The following KIF18A variants were observed in gnomAD, a reference collection of about 807,000 sequenced individuals.
KIF18A encodes the protein kinesin family member 18A.
Under a neutral mutation model 103.3 loss-of-function variants are expected in KIF18A, and 67 were observed. That is an observed-to-expected ratio of 0.65 (90% CI 0.53 to 0.79). The LOEUF is 0.79. Among genes scored for constraint, KIF18A ranks in the 30% least tolerant of loss-of-function variants. The pLI, the probability that KIF18A is intolerant of heterozygous loss-of-function variation, is 0.00. For synonymous variants in KIF18A, 367 were observed against 355.5 expected (o/e 1.03, Z -0.36); for missense variants, 1,032 against 1,062.5 (o/e 0.97, Z 0.40).
intron 13 of KIF18A, chr11:28,057,030 T>A (rs1850789803): frequency 4.9e-6 from 1 of 203,662 alleles, no homozygotes; most frequent in South Asian, 6.2e-5. Context: ...TTGCTCAACA[T>A]ATATATAAAA....
chr11:28,057,776 T>C (rs902517101), intron 13 of KIF18A, among the ~76,000 whole-genome samples: 2 of 152,060 alleles, frequency 1.3e-5, no homozygotes, highest in Admixed American at 6.5e-5. Context: ...TGTTCACTAA[T>C]AGAAAAAAGG....
intron 1 of KIF18A, among the ~76,000 whole-genome samples, chr11:28,100,491 A>G (rs1406799334): frequency 1.4e-5 from 2 of 145,822 alleles, no homozygotes; most frequent in Non-Finnish European, 3.0e-5. Context: ...AAAACCCGAA[A>G]GGAGAAGATC....
At chr11:28,097,357 A>G (rs2133565690) in intron 2 of KIF18A, 1 of 364,174 alleles carries the variant, frequency 2.7e-6, no homozygotes, top group Non-Finnish European at 5.0e-6. Flanking sequence ...ATGTGGTTTA[A>G]TAACATAGGC....
intron 13 of KIF18A, among the ~76,000 whole-genome samples, chr11:28,042,308 A>C (rs1590670615): frequency 1.3e-5 from 2 of 152,022 alleles, no homozygotes; most frequent in East Asian, 3.9e-4. Context: ...TGGTAGAATG[A>C]TGTTAAAAAC....
At chr11:28,103,627 TAGAG>T (rs967940452) in intron 1 of KIF18A, among the ~76,000 whole-genome samples, 38 of 152,228 alleles carry the variant, frequency 2.5e-4, no homozygotes, top group Admixed American at 6.5e-4. Context: ...TATTCTCTCA[TAGAG>T]AGTCTAGTAT....
At chr11:28,021,458 T>C (rs1347597259) in intron 16 of KIF18A, among the ~76,000 whole-genome samples, 176 bp from the exon 17 acceptor site, 3 of 152,226 alleles carry the variant, frequency 2.0e-5, no homozygotes, top group Non-Finnish European at 2.9e-5. Flanking sequence ...ATACCTTTGG[T>C]TTAAAAGCTG....
intron 13 of KIF18A, among the ~76,000 whole-genome samples, chr11:28,048,192 T>C (rs1411937772): frequency 6.6e-6 from 1 of 152,014 alleles, no homozygotes; most frequent in East Asian, 1.9e-4. Flanking sequence ...GTTCTGGGGG[T>C]GGGGAATCTG....
At chr11:28,062,143 A>G (rs905427261) in intron 12 of KIF18A, among the ~76,000 whole-genome samples, 2 of 152,128 alleles carry the variant, frequency 1.3e-5, no homozygotes, top group Non-Finnish European at 2.9e-5. Flanking sequence ...GTACTTATGA[A>G]ATTTTGTATT....
At chr11:28,087,375 A>G (rs558572189) in intron 6 of KIF18A, among the ~76,000 whole-genome samples, 1 of 152,284 alleles carries the variant, frequency 6.6e-6, no homozygotes, top group African/African-American at 2.4e-5. Flanking sequence ...GCTGAAAATG[A>G]TGGTTTCTAG....
chr11:28,087,967 C>A (rs1468857607), intron 6 of KIF18A, among the ~76,000 whole-genome samples: 2 of 151,890 alleles, frequency 1.3e-5, no homozygotes, highest in Non-Finnish European at 2.9e-5. Context: ...ACACTGTGTT[C>A]TAGGTAAGCA....
chr11:28,032,559 A>G (rs998698192), intron 15 of KIF18A, among the ~76,000 whole-genome samples: 6 of 151,888 alleles, frequency 4.0e-5, no homozygotes, highest in African/African-American at 1.4e-4. Context: ...CCCAAAATAA[A>G]TCTACATATT....
Position 28,068,858 on chromosome 11 carries a change from C to G in KIF18A, c.1590+401G>C, listed in dbSNP as rs145295748. 4.5e-3 allele frequency among the ~76,000 whole-genome samples: 683 copies of G among 152,204 alleles called. 5 individuals are homozygous for G. Among genetic ancestry groups the G allele is most frequent in the African/African-American group, 0.014 (591 of 41,514 alleles). ...TAATTCTAATATGATACTGTCATTA[C>G]CCATCACTACACTTCAAAAATAAAA... On this transcript the variant is annotated intron_variant, in intron 11 of 16. Transcript: ENST00000263181.
At chr11:28,025,709 C>CA (rs1403705500) in intron 15 of KIF18A, among the ~76,000 whole-genome samples, 2 of 151,856 alleles carry the variant, frequency 1.3e-5, no homozygotes, top group African/African-American at 4.8e-5. Context: ...TCATAAACTA[C>CA]AAAGACTTAA....
intron 13 of KIF18A, among the ~76,000 whole-genome samples, chr11:28,055,584 T>C (rs913169033): frequency 2.0e-5 from 3 of 152,050 alleles, no homozygotes; most frequent in Non-Finnish European, 4.4e-5. Context: ...AGCTATACTG[T>C]AGAGGGCAAA....
At chr11:28,023,686 A>G in intron 16 of KIF18A, 55 bp downstream of exon 16, 2 of 928,342 alleles carry the variant, frequency 2.2e-6, no homozygotes, top group Non-Finnish European at 1.8e-6. Context: ...GTAAAGTACT[A>G]TATGTGTGTT....
At chr11:28,045,673 C>T (rs1031779650) in intron 13 of KIF18A, among the ~76,000 whole-genome samples, 5 of 151,872 alleles carry the variant, frequency 3.3e-5, no homozygotes, top group African/African-American at 4.8e-5. Context: ...AATAAGGTGG[C>T]GGTGTTGTAA....
intron 14 of KIF18A, 127 bp from the exon 15 acceptor site, chr11:28,035,621 T>C: frequency 2.2e-6 from 1 of 453,928 alleles, no homozygotes; most frequent in East Asian, 3.4e-5. Context: ...CATTCTGCTA[T>C]ACTGTAAAGA....
At chr11:28,081,351 G>T (rs1234962985) in intron 9 of KIF18A, among the ~76,000 whole-genome samples, 1 of 152,150 alleles carries the variant, frequency 6.6e-6, no homozygotes, top group Non-Finnish European at 1.5e-5. Flanking sequence ...AAGCTTTAAA[G>T]AACAGGCTGA....
chr11:28,032,740 T>G (rs11030193), intron 15 of KIF18A, among the ~76,000 whole-genome samples: 70,467 of 151,636 alleles, frequency 0.46, 17,880 homozygotes, highest in Admixed American at 0.56. Flanking sequence ...AAATTTAAAT[T>G]TAAGACCTCA....
Sources: allele counts gnomAD v4.1 joint callset (sites outside exome capture counted in the v4.1 genomes callset), GRCh38; gene constraint gnomAD v4.1.1; transcripts MANE v1.5; gene names NCBI Gene and HGNC (gene_info 2026-07-23, HGNC 2026-07-21).